The following SULT6B1 variants were observed in gnomAD, a reference collection of about 807,000 sequenced individuals.
SULT6B1 encodes sulfotransferase 6B1.
A neutral mutation model predicts 37.2 loss-of-function variants in SULT6B1; 44 were observed. The ratio of observed to expected loss-of-function variants is 1.18; its 90% CI spans 0.93 to 1.52. SULT6B1 has a LOEUF of 1.52. SULT6B1 is among the 40% of genes most tolerant of loss of function. The pLI is 0.00. For synonymous variants in SULT6B1, 140 were observed against 126.0 expected (o/e 1.11, Z -0.74); for missense variants, 450 against 361.0 (o/e 1.25, Z -2.00).
At chr2:37,173,238 C>T (rs1398109424) in intron 5 of SULT6B1, among the ~76,000 whole-genome samples, 2 of 152,168 alleles carry the variant, frequency 1.3e-5, no homozygotes, top group Non-Finnish European at 2.9e-5. Context: ...ATACTCCCTT[C>T]TCTTTAACAT....
chr2:37,188,310 T>C lies in SULT6B1; in HGVS notation c.199+132A>G, dbSNP rs1023033687. ...TTACAACCTACGTACTTAACCACTG[T>C]GGCCCTCCTCCTCACTGATGCTCAG... On this transcript the variant is annotated intron_variant, in intron 1 of 6. Transcript: ENST00000535679. 1.6e-5 allele frequency: 11 copies of C among 690,060 alleles called. No individual in the cohort carries two copies. The South Asian group carries it at 1.8e-4, about 11-fold the overall frequency. 42.7% of individuals were successfully genotyped at this position (690,060 alleles called of 1,614,324 possible).
At chr2:37,193,218 G>A (rs919440866), upstream of SULT6B1, among the ~76,000 whole-genome samples, 1 of 151,894 alleles carries the variant, frequency 6.6e-6, no homozygotes, top group Non-Finnish European at 1.5e-5. Flanking sequence ...CACTTTGGGA[G>A]GCTGAGGCAG....
In SULT6B1 at chr2:37,188,546, C is replaced by T. The variant is rs1431302777; in HGVS notation, c.95G>A (p.Gly32Glu). 2 of 1,613,144 alleles carry T rather than the reference C, an allele frequency of 1.2e-6. No individual in the cohort carries two copies. Among genetic ancestry groups the T allele is most frequent in the Non-Finnish European group, 8.5e-7 (1 of 1,179,138 alleles). Residue 32 changes from glycine (G) to glutamate (E), a missense_variant, in exon 1 of 7, where the codon GGG (glycine) becomes GAG (glutamate). Gly to Glu is a moderately conservative substitution (Grantham distance 98, BLOSUM62 -2). Transcript: ENST00000535679. The part of the protein sequence containing the change: ...ALSHLFFTYQ[G>E]IPYPITMCTS... ...GCACATGGTGATGGGGTAAGGAATC[C>T]CCTGATAGGTGAAAAATAAATGAGA...
At chr2:37,171,621 C>T (rs1430763821) in intron 5 of SULT6B1, 31 bp from the exon 6 acceptor site, 3 of 1,603,924 alleles carry the variant, frequency 1.9e-6, no homozygotes, top group East Asian at 2.2e-5. Context: ...AGATAAATTT[C>T]TTCCTATGGA....
intron 4 of SULT6B1, among the ~76,000 whole-genome samples, chr2:37,179,160 G>A (rs577583222): frequency 5.9e-5 from 9 of 152,172 alleles, no homozygotes; most frequent in South Asian, 2.1e-4. Context: ...GGGTTTCACC[G>A]TGTTAGCCAG....
intron 6 of SULT6B1, among the ~76,000 whole-genome samples, chr2:37,168,757 G>A (rs1196350104): frequency 7.9e-5 from 12 of 152,278 alleles, no homozygotes; most frequent in Non-Finnish European, 4.4e-5. Context: ...TTGCAAAAAT[G>A]TATTATTTTG....
At chr2:37,183,318 T>C in intron 3 of SULT6B1, 107 bp downstream of exon 3, 1 of 857,212 alleles carries the variant, frequency 1.2e-6, no homozygotes, top group Non-Finnish European at 1.8e-6. Flanking sequence ...ATGTCACAGT[T>C]CATTTATTAA....
In SULT6B1 at chr2:37,176,076, T is replaced by C. The variant is rs370864078; in HGVS notation, c.530-850A>G. Reference sequence around the variant, plus strand: ...CACATATGGTTAGTGGCCTACCACATTGGACAATGCAGATGCAGACACTGG... The same window carrying C: ...CACATATGGTTAGTGGCCTACCACACTGGACAATGCAGATGCAGACACTGG... On this transcript the variant is annotated intron_variant, in intron 4 of 6. Transcript: ENST00000535679. Among the ~76,000 whole-genome samples the C allele has an allele frequency of 9.5e-4, 144 of 152,242 alleles. 2 individuals are homozygous for C. The South Asian group carries it at 0.027, about 29-fold the overall frequency.
chr2:37,185,853 C>T (rs72792808), intron 2 of SULT6B1, among the ~76,000 whole-genome samples: 3,228 of 152,042 alleles, frequency 0.021, 59 homozygotes, highest in Non-Finnish European at 0.036. Context: ...GTCTATGGGG[C>T]TTTTCCTTTA....
intron 3 of SULT6B1, among the ~76,000 whole-genome samples, chr2:37,180,239 C>T (rs555044525): frequency 2.6e-5 from 4 of 152,200 alleles, no homozygotes; most frequent in African/African-American, 9.7e-5. Flanking sequence ...GACACATGAT[C>T]CAGCATGTTC....
intron 6 of SULT6B1, among the ~76,000 whole-genome samples, chr2:37,168,750 C>A (rs769988176): frequency 7.9e-5 from 12 of 152,074 alleles, no homozygotes; most frequent in Non-Finnish European, 1.5e-4. Context: ...GATAATTTTG[C>A]AAAAATGTAT....
intron 6 of SULT6B1, among the ~76,000 whole-genome samples, chr2:37,168,804 C>T (rs1676235830): frequency 1.3e-5 from 2 of 152,086 alleles, no homozygotes; most frequent in Admixed American, 6.5e-5. Context: ...TGGCTGTTAC[C>T]AGTAAAGAAA....
chr2:37,182,148 T>G (rs983494186), intron 3 of SULT6B1, among the ~76,000 whole-genome samples: 27 of 152,334 alleles, frequency 1.8e-4, no homozygotes, highest in African/African-American at 6.5e-4. Context: ...CTCCTGCCTC[T>G]TACCATTGAA....
chr2:37,187,502 G>A lies in SULT6B1; in HGVS notation c.200-35C>T, dbSNP rs747757194. The A allele has an allele frequency of 6.5e-5, 89 of 1,358,978 alleles. 1 individual carries two copies. In the South Asian group the frequency reaches 8.2e-4, roughly 13 times the overall value. 84.2% of individuals were successfully genotyped at this position (1,358,978 alleles called of 1,614,324 possible). ...AAATCAGAGAATAAAAACTCATTAC[G>A]GAGTCTTGATATAACAAAAGGACGT... On this transcript the variant is annotated intron_variant, in intron 1 of 6. Coordinates refer to ENST00000535679, the MANE Select transcript of SULT6B1 (RefSeq NM_001367551.1).
At position 37,188,637 on chromosome 2, in the gene SULT6B1, C is replaced by T; in HGVS notation, c.4G>A (p.Ala2Thr). ...TATTCAATAAATTTGGATTTATCAG[C>T]CATGGTGGCTCCCTGTAAAAGAACC... MADKSKFIEYID... is the reference protein window; with the variant it reads MTDKSKFIEYID... Residue 2 changes from alanine (A) to threonine (T), a missense_variant, in exon 1 of 7, where the codon GCT becomes ACT. Transcript: ENST00000535679. 8.6e-7 allele frequency: 1 copy of T among 1,163,178 alleles called. No homozygotes were observed. The highest frequency in any genetic ancestry group is 1.5e-5 in the African/African-American group (1 of 65,630). The allele number at this position is 1,163,178 out of a possible 1,614,324, so 72.1% of individuals were successfully genotyped here. A position where few individuals can be genotyped will look rare whatever the true frequency, so the allele number is the denominator to read the frequency against.
chr2:37,181,184 C>G, intron 3 of SULT6B1, among the ~76,000 whole-genome samples: 1 of 152,150 alleles, frequency 6.6e-6, no homozygotes, highest in Non-Finnish European at 1.5e-5. Flanking sequence ...AGATCTAACA[C>G]TCTTCCCTCC....
At chr2:37,186,616 G>T (rs1676678227) in intron 2 of SULT6B1, among the ~76,000 whole-genome samples, 1 of 152,138 alleles carries the variant, frequency 6.6e-6, no homozygotes. Context: ...GTCTGGCTGG[G>T]TGCGGTGGCT....
At chr2:37,171,359 AGT>A in intron 6 of SULT6B1, 73 bp downstream of exon 6, 2 of 1,514,980 alleles carry the variant, frequency 1.3e-6, no homozygotes, top group African/African-American at 2.8e-5. Context: ...CTTAAGATGA[AGT>A]TATTTGGATT....
chr2:37,171,288 G>T, intron 6 of SULT6B1, 146 bp downstream of exon 6: 1 of 894,912 alleles, frequency 1.1e-6, no homozygotes, highest in Non-Finnish European at 1.6e-6. Flanking sequence ...GCCAGTTACA[G>T]CTCTGGAGAG....
Sources: gnomAD v4.1 joint callset for allele counts (sites outside exome capture counted in the v4.1 genomes callset) on GRCh38, gnomAD v4.1.1 for gene constraint, MANE v1.5 for transcripts, NCBI Gene and HGNC (gene_info 2026-07-23, HGNC 2026-07-21) for gene names.